The following GOLGA2 variants were observed in gnomAD, a reference collection of about 807,000 sequenced individuals.
GOLGA2 encodes the protein golgin A2, also known as golgin subfamily A member 2.
A neutral mutation model predicts 148.8 loss-of-function variants in GOLGA2; 49 were observed. That is an observed-to-expected ratio of 0.33 (90% CI 0.26 to 0.42). The LOEUF (loss-of-function observed/expected upper bound fraction) is 0.42, where lower values mean the gene tolerates loss of function less well. Ranked by LOEUF, GOLGA2 falls within the 10% of genes least tolerant of loss-of-function variation. GOLGA2 has a pLI of 1.00. For synonymous variants in GOLGA2, 501 were observed against 511.8 expected (o/e 0.98, Z 0.28); for missense variants, 1,178 against 1,304.6 (o/e 0.90, Z 1.49).
Position 128,267,907 on chromosome 9 carries a change from C to G in GOLGA2, c.501+27G>C, listed in dbSNP as rs369237139. 8 of 1,567,480 alleles carry G rather than the reference C, an allele frequency of 5.1e-6. No homozygotes were observed. The East Asian group carries it at 9.0e-5, about 18-fold the overall frequency. On this transcript the variant is annotated intron_variant, in intron 6 of 26. Transcript: ENST00000611957. ...TATCATAGTTCCCTTCCCCCCACCC[C>G]GCTCTCGGCCTCAGTTCCTGAGGTA...
rs1442363763 is a variant in GOLGA2, at chr9:128,256,328, A to G, written c.*739T>C. ...GGCCAAGGTGGCTAAGGGTCTACACATTTGTCTCCCCCCATTAGACAGGGG... is the reference window on the plus strand; with the variant it reads ...GGCCAAGGTGGCTAAGGGTCTACACGTTTGTCTCCCCCCATTAGACAGGGG... On this transcript the variant is annotated 3_prime_UTR_variant, in exon 27 of 27. Transcript: ENST00000611957. The G allele has an allele frequency of 6.6e-6, 1 of 152,264 alleles. No individual in the cohort carries two copies. Among genetic ancestry groups the G allele is most frequent in the Non-Finnish European group, 1.5e-5 (1 of 68,112 alleles). 9.4% of individuals were successfully genotyped at this position (152,264 alleles called of 1,614,324 possible). A position where few individuals can be genotyped will look rare whatever the true frequency, so the allele number is the denominator to read the frequency against.
At chr9:128,275,795 C>T in intron 1 of GOLGA2, 98 bp downstream of exon 1, 4 of 677,830 alleles carry the variant, frequency 5.9e-6, no homozygotes, top group Non-Finnish European at 9.8e-6. Flanking sequence ...GGGAGCCCAG[C>T]CCGGTGTGCC....
Position 128,265,582 on chromosome 9 carries a change from C to T in GOLGA2, c.933+3G>A, listed in dbSNP as rs777744810. The T allele has an allele frequency of 6.2e-7, 1 of 1,604,588 alleles. No homozygotes were observed. Among genetic ancestry groups the T allele is most frequent in the Non-Finnish European group, 8.5e-7 (1 of 1,171,666 alleles). ...AGGGGACGGGGCAGGCAGTTGGACT[C>T]ACCCTGTCTGCCTTCTTCTGCTGCG... is the stretch of plus-strand genomic sequence containing the variant. On this transcript the variant is annotated splice_donor_region_variant and intron_variant, in intron 12 of 26. Transcript: ENST00000611957.
Position 128,258,303 on chromosome 9 carries a change from G to C in GOLGA2, c.2290-105C>G. 4.4e-6 allele frequency: 5 copies of C among 1,127,352 alleles called. No individual in the cohort carries two copies. In the South Asian group the frequency reaches 7.1e-5, roughly 16 times the overall value. 69.8% of individuals were successfully genotyped at this position (1,127,352 alleles called of 1,614,324 possible). On this transcript the variant is annotated intron_variant, in intron 22 of 26. Coordinates refer to ENST00000611957, the MANE Select transcript of GOLGA2 (RefSeq NM_001366244.2). The surrounding 1 kb of genome is among the most constrained non-coding windows in gnomAD (Gnocchi z 6.6). ...TGGGGCCTCAGAGGGTGCACTTGTTGGTCCCAAGTGAAATGGTGTCTCACC... is the reference window on the plus strand; with the variant it reads ...TGGGGCCTCAGAGGGTGCACTTGTTCGTCCCAAGTGAAATGGTGTCTCACC...
At chr9:128,270,734 G>A (rs1045603330) in intron 3 of GOLGA2, among the ~76,000 whole-genome samples, 5 of 152,022 alleles carry the variant, frequency 3.3e-5, no homozygotes, top group Admixed American at 6.6e-5. Flanking sequence ...AAACAGTTAC[G>A]GATATAGAGA....
Position 128,275,449 on chromosome 9 carries a change from G to C in GOLGA2, c.84+444C>G, listed in dbSNP as rs554986913. On this transcript the variant is annotated intron_variant, in intron 1 of 26. Transcript: ENST00000611957. The stretch of plus-strand genomic sequence containing the variant: ...CAGGGCCAGGACCCAGGTCCTTGGA[G>C]ACCCGAGACCAAAGAACCCCGGGAG... The C allele has an allele frequency of 3.1e-6, 4 of 1,299,456 alleles. No individual in the cohort carries two copies. The South Asian group carries it at 1.1e-4, about 36-fold the overall frequency. The allele number at this position is 1,299,456 out of a possible 1,614,324, so 80.5% of individuals were successfully genotyped here.
At chr9:128,259,584 A>T (rs1477941389) in intron 19 of GOLGA2, among the ~76,000 whole-genome samples, 193 bp from the exon 20 acceptor site, 1 of 152,132 alleles carries the variant, frequency 6.6e-6, no homozygotes, top group Non-Finnish European at 1.5e-5. Context: ...TCTTCCCACC[A>T]TTTAAACCGT....
intron 3 of GOLGA2, among the ~76,000 whole-genome samples, chr9:128,268,738 C>G (rs79027662): frequency 6.6e-6 from 1 of 152,094 alleles, no homozygotes; most frequent in Non-Finnish European, 1.5e-5. Context: ...AGGGGCTGCA[C>G]GGCCTCCTTC....
chr9:128,259,949 C>T (rs1830146307), intron 19 of GOLGA2, 127 bp downstream of exon 19: 1 of 718,382 alleles, frequency 1.4e-6, no homozygotes, highest in East Asian at 2.5e-5. Context: ...AAGAAACAGT[C>T]ACAGGACTGC....
intron 1 of GOLGA2, among the ~76,000 whole-genome samples, chr9:128,274,916 C>G (rs1209575301): frequency 6.6e-6 from 1 of 152,172 alleles, no homozygotes; most frequent in Non-Finnish European, 1.5e-5. Flanking sequence ...TTCAGTTTCC[C>G]AAGACCTGTT....
At position 128,268,491 on chromosome 9, in the gene GOLGA2, A is replaced by G. The variant is rs778628276; in HGVS notation, c.322T>C (p.Ser108Pro). The change falls in exon 4 of 27, where the codon TCT (serine) becomes CCT (proline). Residue 108 changes from serine (S) to proline (P), a missense_variant. This residue lies in a region of GOLGA2 where 158 missense variants were observed against 156.6 expected (regional missense o/e 1.01). Transcript: ENST00000611957. ...PKDNAATLQP[S>P]DDTVLPGGVP... is the part of the protein sequence containing the mutation. Reference sequence around the variant, plus strand: ...CCGCCAGGTAACACGGTGTCATCAGATGGTTGTAGAGTAGCAGCATTGTCC... The same window carrying G: ...CCGCCAGGTAACACGGTGTCATCAGGTGGTTGTAGAGTAGCAGCATTGTCC... 6.2e-6 allele frequency: 10 copies of G among 1,611,386 alleles called. 1 individual carries two copies. The highest frequency in any genetic ancestry group is 6.8e-6 in the Non-Finnish European group (8 of 1,178,418).
At chr9:128,265,723 AGGACT>A in intron 11 of GOLGA2, 32 bp from the exon 12 acceptor site, 1 of 1,611,118 alleles carries the variant, frequency 6.2e-7, no homozygotes, top group Non-Finnish European at 8.5e-7. Context: ...TGGGGCCCAA[AGGACT>A]CCCCCTAAAG....
In GOLGA2 at chr9:128,258,539, ATCC is replaced by A. The variant is rs769059373; in HGVS notation, c.2202_2204del (p.Glu734del). ...CCGCCTCCTCCTCCTCCTCCTCCTC[ATCC>A]TCCTCCTCCTCCCGGTCCAGTCCAT... On this transcript the variant is annotated inframe_deletion, in exon 22 of 27. Coordinates refer to ENST00000611957, the MANE Select transcript of GOLGA2 (RefSeq NM_001366244.2). This position sits in a 1 kb window ranked among gnomAD's most constrained non-coding sequence, Gnocchi z 6.6. The A allele has an allele frequency of 1.0e-4, 156 of 1,535,046 alleles. No individual in the cohort carries two copies. Among genetic ancestry groups the A allele is most frequent in the South Asian group, 5.4e-4 (45 of 83,082 alleles).
chr9:128,265,909 G>A (rs970723663), intron 10 of GOLGA2, 28 bp from the exon 11 acceptor site: 13 of 1,604,576 alleles, frequency 8.1e-6, no homozygotes, highest in Middle Eastern at 1.7e-4. Context: ...AGCAAGTGCT[G>A]AAAAAGAAGG....
chr9:128,264,364 AC>A (rs1830467985), intron 12 of GOLGA2, among the ~76,000 whole-genome samples: 1 of 149,646 alleles, frequency 6.7e-6, no homozygotes, highest in Non-Finnish European at 1.5e-5. Context: ...GCTCCTGAGT[AC>A]CTAGGATTAC....
Position 128,257,463 on chromosome 9 carries a change from A to G in GOLGA2, c.2781T>C (p.His927=). 1 of 1,613,232 alleles carries G rather than the reference A, an allele frequency of 6.2e-7. No homozygotes were observed. Among genetic ancestry groups the G allele is most frequent in the Non-Finnish European group, 8.5e-7 (1 of 1,179,958 alleles). ...TCTGGGCAGCTGCCAGGAATCTGCC[A>G]TGCCACTCGTTGCGGTCGCCCACAA... ...LRLVGDRNEW[H]GRFLAAAQNP... Residue 927 remains histidine (H), a synonymous_variant, in exon 26 of 27, where the codon CAT becomes CAC. Coordinates refer to ENST00000611957, the MANE Select transcript of GOLGA2 (RefSeq NM_001366244.2). This position sits in a 1 kb window ranked among gnomAD's most constrained non-coding sequence, Gnocchi z 8.0.
At chr9:128,273,680 C>T in intron 2 of GOLGA2, 170 bp downstream of exon 2, 2 of 752,456 alleles carry the variant, frequency 2.7e-6, no homozygotes, top group Non-Finnish European at 4.3e-6. Flanking sequence ...AAAGAGAGGC[C>T]CAAAAAGCTC....
chr9:128,273,494 G>A (rs931973876), intron 2 of GOLGA2: 2 of 427,624 alleles, frequency 4.7e-6, no homozygotes, highest in Admixed American at 7.9e-5. Flanking sequence ...TGTTCTCATT[G>A]GCCTGGCTTC....
Position 128,256,892 on chromosome 9 carries a change from C to T in GOLGA2, c.*175G>A. 3.8e-6 allele frequency: 2 copies of T among 524,088 alleles called. No homozygotes were observed. Among genetic ancestry groups the T allele is most frequent in the African/African-American group, 2.0e-5 (1 of 51,184 alleles). 32.5% of individuals were successfully genotyped at this position (524,088 alleles called of 1,614,324 possible). ...TTTAATTTTTTTTTAATTTAGTGGC[C>T]AGCTTTTAGATGACAGTGATCTTCA... is the stretch of plus-strand genomic sequence containing the variant. On this transcript the variant is annotated 3_prime_UTR_variant, in exon 27 of 27. Transcript: ENST00000611957.
Sources: allele counts gnomAD v4.1 joint callset (sites outside exome capture counted in the v4.1 genomes callset), GRCh38; gene constraint gnomAD v4.1.1; regional missense constraint gnomAD v4.1.1; non-coding constraint Gnocchi (gnomAD v3.1); transcripts MANE v1.5; gene names NCBI Gene and HGNC (gene_info 2026-07-23, HGNC 2026-07-21).